The following RIPK1 variants were observed in gnomAD, a reference collection of about 807,000 sequenced individuals.
RIPK1 encodes receptor-interacting serine/threonine-protein kinase 1.
Under a neutral mutation model 62.4 loss-of-function variants are expected in RIPK1, and 27 were observed. That is an observed-to-expected ratio of 0.43 (90% CI 0.32 to 0.60). The LOEUF (loss-of-function observed/expected upper bound fraction) is 0.60. RIPK1 is among the 20% of genes least tolerant of loss of function. RIPK1 has a pLI of 0.07. For synonymous variants in RIPK1, 287 were observed against 303.2 expected (o/e 0.95, Z 0.55); for missense variants, 735 against 831.0 (o/e 0.88, Z 1.42).
chr6:3,068,578 G>C lies in RIPK1; in HGVS notation c.-144G>C, dbSNP rs1215721935. ...GGCGACTCCAGGGGACCCACAGCTG[G>C]GGCGCCAGAGCGCGGCCATCCGGGC... On this transcript the variant is annotated 5_prime_UTR_variant, in exon 1 of 11. Transcript: ENST00000259808. 21 of 985,240 alleles carry C rather than the reference G, an allele frequency of 2.1e-5. No homozygotes were observed. The highest frequency in any genetic ancestry group is 2.5e-5 in the Non-Finnish European group (21 of 829,984). 61.0% of individuals were successfully genotyped at this position (985,240 alleles called of 1,614,324 possible).
chr6:3,099,415 G>A (rs1223552779), intron 7 of RIPK1, among the ~76,000 whole-genome samples: 1 of 152,124 alleles, frequency 6.6e-6, no homozygotes, highest in Non-Finnish European at 1.5e-5. Flanking sequence ...GTGGTGGCAG[G>A]CACCTGCAGT....
intron 6 of RIPK1, among the ~76,000 whole-genome samples, chr6:3,085,916 A>T (rs747762836): frequency 3.3e-5 from 5 of 152,250 alleles, no homozygotes; most frequent in Non-Finnish European, 5.9e-5. Flanking sequence ...AGCATATGTC[A>T]GAATTTCTTT....
intron 7 of RIPK1, among the ~76,000 whole-genome samples, chr6:3,102,762 G>A (rs564031922): frequency 3.5e-4 from 54 of 152,122 alleles, no homozygotes; most frequent in African/African-American, 1.2e-3. Context: ...CACCACGCCC[G>A]GCTAGTTTTT....
At chr6:3,071,471 A>G (rs1758708603) in intron 1 of RIPK1, among the ~76,000 whole-genome samples, 1 of 152,194 alleles carries the variant, frequency 6.6e-6, no homozygotes, top group Admixed American at 6.5e-5. Context: ...TATTTGCTAT[A>G]ACAGGCCAGC....
upstream of RIPK1, chr6:3,068,330 G>T: frequency 1.0e-6 from 1 of 985,362 alleles, no homozygotes; most frequent in Non-Finnish European, 1.2e-6. Flanking sequence ...CCTCTTTTAC[G>T]TAGGCCGCCC....
upstream of RIPK1, among the ~76,000 whole-genome samples, chr6:3,065,364 G>A (rs1758338040): frequency 6.6e-6 from 1 of 151,374 alleles, no homozygotes; most frequent in South Asian, 2.1e-4. Flanking sequence ...CATTGTCCAA[G>A]GCTCTCCAGT....
At chr6:3,069,769 C>T (rs368358209) in intron 1 of RIPK1, among the ~76,000 whole-genome samples, 2 of 152,270 alleles carry the variant, frequency 1.3e-5, no homozygotes, top group East Asian at 1.9e-4. Context: ...CCGAGCACTT[C>T]GGAGGCCGAG....
chr6:3,082,413 A>G (rs73353565), intron 4 of RIPK1, among the ~76,000 whole-genome samples: 2,349 of 152,232 alleles, frequency 0.015, 50 homozygotes, highest in African/African-American at 0.054. Context: ...ACTGGCACCT[A>G]TATTCTCTTC....
chr6:3,113,307 C>G lies in RIPK1; in HGVS notation c.1984C>G (p.Leu662Val). ...CCACCAGTGTTCCAGGATCGACCTTCTGAGCAGCTTGATTTACGTCAGCCA... is the reference window on the plus strand; with the variant it reads ...CCACCAGTGTTCCAGGATCGACCTTGTGAGCAGCTTGATTTACGTCAGCCA... ...ALHQCSRIDL[L>V]SSLIYVSQN Residue 662 changes from leucine to valine, a missense_variant, in exon 11 of 11, where the codon CTG becomes GTG. Coordinates refer to ENST00000259808, the MANE Select transcript of RIPK1 (RefSeq NM_001354930.2). The surrounding 1 kb of genome is among the most constrained non-coding windows in gnomAD (Gnocchi z 5.0). 1 of 1,614,128 alleles carries G rather than the reference C, an allele frequency of 6.2e-7. No homozygotes were observed. Among genetic ancestry groups the G allele is most frequent in the South Asian group, 1.1e-5 (1 of 91,080 alleles).
Position 3,105,394 on chromosome 6 carries a change from G to C in RIPK1, c.1007-88G>C. ...GTACTTGTTTTCTGTGTGTTACTTT[G>C]AGATACAGATTCATGACGGCGCTCA... is the stretch of plus-strand genomic sequence containing the variant. On this transcript the variant is annotated intron_variant, in intron 8 of 10. Transcript: ENST00000259808. This position sits in a 1 kb window ranked among gnomAD's most constrained non-coding sequence, Gnocchi z 4.5. 3.9e-6 allele frequency: 4 copies of C among 1,026,600 alleles called. No individual in the cohort carries two copies. Among genetic ancestry groups the C allele is most frequent in the Non-Finnish European group, 5.8e-6 (4 of 692,698 alleles). The allele number at this position is 1,026,600 out of a possible 1,614,324, so 63.6% of individuals were successfully genotyped here. A position where few individuals can be genotyped will look rare whatever the true frequency, so the allele number is the denominator to read the frequency against.
At chr6:3,074,517 C>T (rs958299662) in intron 1 of RIPK1, among the ~76,000 whole-genome samples, 2 of 152,072 alleles carry the variant, frequency 1.3e-5, no homozygotes, top group African/African-American at 2.4e-5. Flanking sequence ...TTCCAACATA[C>T]GTTTTCATTT....
intron 6 of RIPK1, chr6:3,088,875 C>T (rs1759866793): frequency 1.3e-5 from 2 of 152,176 alleles, no homozygotes; most frequent in African/African-American, 4.8e-5. Context: ...AAAGAGCAGG[C>T]TTTAGTTGGA....
At chr6:3,087,794 C>T (rs539410526) in intron 6 of RIPK1, among the ~76,000 whole-genome samples, 30 of 40,656 alleles carry the variant, frequency 7.4e-4, no homozygotes, top group Admixed American at 7.2e-3. Flanking sequence ...CCGCCTCGGC[C>T]TCCCAAAGTG....
chr6:3,068,320 C>T, upstream of RIPK1: 1 of 985,496 alleles, frequency 1.0e-6, no homozygotes, highest in Non-Finnish European at 1.2e-6. Flanking sequence ...GTTTCGGTTT[C>T]CTCTTTTACG....
rs973272864 is a variant in RIPK1, at chr6:3,105,956, C to A, written c.1481C>A (p.Pro494Gln). The A allele has an allele frequency of 6.2e-7, 1 of 1,614,044 alleles. No homozygotes were observed. Among genetic ancestry groups the A allele is most frequent in the Non-Finnish European group, 8.5e-7 (1 of 1,179,938 alleles). ...CCCAGAGTTTGGTACAGGCCAATTCCAAGTCATATGCCTAGTCTGCATAAT... is the reference window on the plus strand; with the variant it reads ...CCCAGAGTTTGGTACAGGCCAATTCAAAGTCATATGCCTAGTCTGCATAAT... Reference protein sequence around the residue: ...AGPRVWYRPIPSHMPSLHNIP... With the variant: ...AGPRVWYRPIQSHMPSLHNIP... Residue 494 changes from proline (P) to glutamine (Q), a missense_variant, in exon 9 of 11, where the codon CCA becomes CAA. Physicochemically the swap from Pro to Gln is moderately conservative, Grantham distance 76. Transcript: ENST00000259808. The surrounding 1 kb of genome is among the most constrained non-coding windows in gnomAD (Gnocchi z 4.5).
chr6:3,106,442 T>C (rs1199365363), intron 9 of RIPK1, among the ~76,000 whole-genome samples: 1 of 152,246 alleles, frequency 6.6e-6, no homozygotes, highest in East Asian at 1.9e-4. Context: ...TTTCTGACCT[T>C]ATATAGCTCA....
intron 1 of RIPK1, among the ~76,000 whole-genome samples, chr6:3,076,180 C>T (rs1759038027): frequency 6.6e-6 from 1 of 152,028 alleles, no homozygotes; most frequent in African/African-American, 2.4e-5. Flanking sequence ...TACTTGTGTC[C>T]TTTATAGCTG....
intron 8 of RIPK1, 89 bp downstream of exon 8, chr6:3,104,404 G>A: frequency 1.5e-6 from 1 of 682,512 alleles, no homozygotes; most frequent in Non-Finnish European, 2.6e-6. Context: ...GGACCATATG[G>A]GAAACAGAAG....
chr6:3,088,680 GGT>G (rs1037581595), intron 6 of RIPK1: 1 of 152,588 alleles, frequency 6.6e-6, no homozygotes, highest in African/African-American at 2.4e-5. Context: ...TTTTTTCTGT[GGT>G]GGTTGGCTGG....
Sources: gnomAD v4.1 joint callset for allele counts (sites outside exome capture counted in the v4.1 genomes callset) on GRCh38, gnomAD v4.1.1 for gene constraint, Gnocchi (gnomAD v3.1) non-coding constraint, MANE v1.5 for transcripts, NCBI Gene and HGNC (gene_info 2026-07-23, HGNC 2026-07-21) for gene names.